The following NUDT9 variants were observed in gnomAD, a reference collection of about 807,000 sequenced individuals.
NUDT9 encodes nudix hydrolase 9, also known as ADP-ribose pyrophosphatase.
Under a neutral mutation model 41.0 loss-of-function variants are expected in NUDT9, and 31 were observed. The observed-to-expected ratio is 0.76, with a 90% CI of 0.57 to 1.02. The LOEUF (loss-of-function observed/expected upper bound fraction) is 1.02. NUDT9 is among the 50% of genes least tolerant of loss of function. The pLI is 0.00. For missense variants in NUDT9, 380 were observed against 431.4 expected, an observed-to-expected ratio of 0.88 and a Z score of 1.06; for synonymous variants, 146 against 147.6, an observed-to-expected ratio of 0.99 and a Z score of 0.08.
intron 5 of NUDT9, among the ~76,000 whole-genome samples, chr4:87,449,477 A>G (rs1487485156): frequency 6.6e-6 from 1 of 152,222 alleles, no homozygotes; most frequent in Non-Finnish European, 1.5e-5. Context: ...CCTTTGGGAA[A>G]TAACGTGGGC....
At position 87,451,708 on chromosome 4, in the gene NUDT9, C is replaced by G; in HGVS notation, c.762C>G (p.His254Gln). 8 of 1,613,788 alleles carry G rather than the reference C, an allele frequency of 5.0e-6. No homozygotes were observed. Among genetic ancestry groups the G allele is most frequent in the Non-Finnish European group, 6.8e-6 (8 of 1,179,856 alleles). The change falls in exon 6 of 8, where the codon CAC becomes CAG. Residue 254 changes from histidine to glutamine, a missense_variant. Transcript: ENST00000302174. ...AEKREIEEKL[H>Q]KLFSQDHLVI... ...AGAGAGAAATAGAGGAAAAGTTGCACAAACTCTTCAGCCAAGACCACCTAG... is the reference window on the plus strand; with the variant it reads ...AGAGAGAAATAGAGGAAAAGTTGCAGAAACTCTTCAGCCAAGACCACCTAG...
intron 3 of NUDT9, among the ~76,000 whole-genome samples, chr4:87,439,246 G>C (rs1277826489): frequency 6.6e-6 from 1 of 152,054 alleles, no homozygotes; most frequent in Non-Finnish European, 1.5e-5. Flanking sequence ...TGCATGGCTG[G>C]GGAGGCCTCA....
At chr4:87,438,434 C>G in intron 3 of NUDT9, 62 bp downstream of exon 3, 1 of 899,190 alleles carries the variant, frequency 1.1e-6, no homozygotes, top group African/African-American at 1.6e-5. Context: ...AAAGATAGTT[C>G]ATATTTATCA....
Position 87,441,822 on chromosome 4 carries a change from T to G in NUDT9, c.444-7T>G. On this transcript the variant is annotated splice_polypyrimidine_tract_variant and splice_region_variant and intron_variant, in intron 3 of 7. Transcript: ENST00000302174. ...CAATTGATTTTATGCTTTTTTTGTT[T>G]TTCCAGAAATCCTGCAGGACGGACT... is the stretch of plus-strand genomic sequence containing the variant. 1 of 1,611,714 alleles carries G rather than the reference T, an allele frequency of 6.2e-7. No homozygotes were observed. The highest frequency in any genetic ancestry group is 8.5e-7 in the Non-Finnish European group (1 of 1,178,706).
At chr4:87,455,587 A>G (rs1444246792) in intron 7 of NUDT9, among the ~76,000 whole-genome samples, 1 of 151,258 alleles carries the variant, frequency 6.6e-6, no homozygotes, top group Non-Finnish European at 1.5e-5. Context: ...TTCGGTTTTA[A>G]TATTTGCTTT....
chr4:87,443,761 A>G (rs77280018), intron 4 of NUDT9, among the ~76,000 whole-genome samples: 2,167 of 152,356 alleles, frequency 0.014, 45 homozygotes, highest in African/African-American at 0.049. Flanking sequence ...ATATCTGAGT[A>G]GAGACCAGCT....
Position 87,458,054 on chromosome 4 carries a change from G to C in NUDT9, c.*33G>C. 6.7e-7 allele frequency: 1 copy of C among 1,488,630 alleles called. No individual in the cohort carries two copies. The highest frequency in any genetic ancestry group is 2.5e-5 in the East Asian group (1 of 39,602). The allele number at this position is 1,488,630 out of a possible 1,614,324, so 92.2% of individuals were successfully genotyped here. On this transcript the variant is annotated 3_prime_UTR_variant, in exon 8 of 8. Coordinates refer to ENST00000302174, the MANE Select transcript of NUDT9 (RefSeq NM_024047.5). ...TCTCCGTGTAAGCCAAAGGCCCACA[G>C]AGGAGCATATACTGAAAAGAAGGCA...
intron 5 of NUDT9, 33 bp downstream of exon 5, chr4:87,449,286 C>A: frequency 1.7e-6 from 2 of 1,146,396 alleles, no homozygotes; most frequent in South Asian, 2.5e-5. Flanking sequence ...TGTTTAAGTT[C>A]CTTTTAGTTG....
At chr4:87,443,719 C>T (rs1722318989) in intron 4 of NUDT9, among the ~76,000 whole-genome samples, 1 of 152,138 alleles carries the variant, frequency 6.6e-6, no homozygotes, top group East Asian at 1.9e-4. Context: ...GGTAGGGAGA[C>T]AGCAGGAAGC....
intron 4 of NUDT9, among the ~76,000 whole-genome samples, chr4:87,444,224 G>T (rs1578075111): frequency 6.6e-6 from 1 of 152,020 alleles, no homozygotes; most frequent in East Asian, 1.9e-4. Flanking sequence ...TATTTTGGGG[G>T]CTTTTCTTCA....
intron 7 of NUDT9, among the ~76,000 whole-genome samples, chr4:87,454,802 A>G (rs1722915755): frequency 1.3e-5 from 2 of 152,214 alleles, no homozygotes; most frequent in African/African-American, 4.8e-5. Context: ...GGTAGGAAGT[A>G]TGGCAATGAT....
chr4:87,430,180 C>A (rs1721620177), intron 1 of NUDT9, among the ~76,000 whole-genome samples: 1 of 152,174 alleles, frequency 6.6e-6, no homozygotes, highest in Admixed American at 6.5e-5. Flanking sequence ...GGAAGGGGGC[C>A]ATGAGCCACA....
At chr4:87,441,585 G>A (rs1307526706) in intron 3 of NUDT9, among the ~76,000 whole-genome samples, 2 of 152,140 alleles carry the variant, frequency 1.3e-5, no homozygotes, top group Non-Finnish European at 2.9e-5. Flanking sequence ...TCACATTGTA[G>A]AACCACTTGG....
rs1180671098 is a variant in NUDT9 at position 87,422,992 on chromosome 4, C to G, written c.87C>G (p.Cys29Trp). ...LASVTIRSSR[C>W]RGIQAFRNSF... ...CTGTGACTATCAGGTCCTCGCGCTG[C>G]CGCGGCATCCAGGCGTTCAGGTATT... The change falls in exon 1 of 8, where the codon TGC becomes TGG. Residue 29 changes from cysteine to tryptophan, a missense_variant. Physicochemically the swap from Cys to Trp is radical, Grantham distance 215. Coordinates refer to ENST00000302174, the MANE Select transcript of NUDT9 (RefSeq NM_024047.5). 2 of 1,613,022 alleles carry G rather than the reference C, an allele frequency of 1.2e-6. No individual in the cohort carries two copies. Among genetic ancestry groups the G allele is most frequent in the Non-Finnish European group, 8.5e-7 (1 of 1,179,574 alleles).
At chr4:87,428,371 TC>T (rs1315724813) in intron 1 of NUDT9, among the ~76,000 whole-genome samples, 4 of 152,204 alleles carry the variant, frequency 2.6e-5, no homozygotes, top group Non-Finnish European at 5.9e-5. Context: ...GCAATCACAC[TC>T]TTTGGTATTT....
intron 7 of NUDT9, among the ~76,000 whole-genome samples, chr4:87,457,543 A>T (rs1443792516): frequency 6.6e-6 from 1 of 152,098 alleles, no homozygotes; most frequent in South Asian, 2.1e-4. Context: ...ACTGATTTTG[A>T]TGTAAGGTTT....
chr4:87,448,481 A>AT (rs1312990114), intron 4 of NUDT9, among the ~76,000 whole-genome samples: 22 of 149,080 alleles, frequency 1.5e-4, no homozygotes, highest in South Asian at 4.3e-4. Context: ...ACTACCAGTA[A>AT]TTTTTTTTTT....
chr4:87,435,045 A>G lies in NUDT9; in HGVS notation c.172A>G (p.Lys58Glu). ...TNVMSGSNGSKENSHNKARTS... is the reference protein window; with the variant it reads ...TNVMSGSNGSEENSHNKARTS... ...CGTCATGTCTGGTTCTAATGGTTCC[A>G]AAGAAAATTCTCACAATAAGGCTCG... is the stretch of plus-strand genomic sequence containing the variant. The change falls in exon 2 of 8, where the codon AAA becomes GAA. Residue 58 changes from lysine to glutamate, a missense_variant. Transcript: ENST00000302174. 2 of 1,614,144 alleles carry G rather than the reference A, an allele frequency of 1.2e-6. No homozygotes were observed. Among genetic ancestry groups the G allele is most frequent in the Non-Finnish European group, 1.7e-6 (2 of 1,180,020 alleles).
chr4:87,430,469 T>TA (rs1361555218), intron 1 of NUDT9, among the ~76,000 whole-genome samples: 2 of 152,248 alleles, frequency 1.3e-5, no homozygotes, highest in Non-Finnish European at 2.9e-5. Context: ...CATTGCTTTA[T>TA]AAAAATAGTA....
Sources: gnomAD v4.1 joint callset for allele counts (sites outside exome capture counted in the v4.1 genomes callset) on GRCh38, gnomAD v4.1.1 for gene constraint, MANE v1.5 for transcripts, NCBI Gene and HGNC (gene_info 2026-07-23, HGNC 2026-07-21) for gene names.